SPMIP2: variants seen among roughly 807,000 people sequenced by gnomAD.
SPMIP2 encodes protein SPMIP2.
At chr4:159,044,490 G>GT in the SPMIP2 span, among the ~76,000 whole-genome samples, 2 of 151,806 alleles carry the variant, frequency 1.3e-5, no homozygotes, top group Non-Finnish European at 2.9e-5. Flanking sequence ...GATGGGAGAA[G>GT]TTAAAAAAAA....
At chr4:159,000,937 T>C in the SPMIP2 span, among the ~76,000 whole-genome samples, 7 of 152,238 alleles carry the variant, frequency 4.6e-5, no homozygotes, top group Non-Finnish European at 1.0e-4. Flanking sequence ...TCTTTTCAAT[T>C]TGGGGCTGTA....
chr4:159,078,651 G>A, the SPMIP2 span, among the ~76,000 whole-genome samples: 6 of 152,240 alleles, frequency 3.9e-5, no homozygotes, highest in Admixed American at 6.5e-5. Context: ...GACTGCATGG[G>A]TGGATTGTAA....
chr4:158,959,514 G>C, the SPMIP2 span, among the ~76,000 whole-genome samples: 1 of 152,074 alleles, frequency 6.6e-6, no homozygotes, highest in Non-Finnish European at 1.5e-5. Flanking sequence ...TGCAGTTTAT[G>C]TTGGTATAGT....
chr4:158,973,242 AGATG>A, the SPMIP2 span: 1 of 1,613,886 alleles, frequency 6.2e-7, no homozygotes, highest in South Asian at 1.1e-5. Context: ...TTCTAACGCC[AGATG>A]CTGTTCTCCT....
At chr4:159,077,462 G>A in the SPMIP2 span, among the ~76,000 whole-genome samples, 1 of 152,064 alleles carries the variant, frequency 6.6e-6, no homozygotes, top group Admixed American at 6.6e-5. Context: ...TTCTTTTAAT[G>A]TGTTTTTCTT....
chr4:159,075,559 G>T, the SPMIP2 span, among the ~76,000 whole-genome samples: 215 of 152,256 alleles, frequency 1.4e-3, 1 homozygote, highest in East Asian at 0.014. Context: ...AAAGCTTTTA[G>T]AGGTGGGCCA....
At chr4:159,033,345 G>C in the SPMIP2 span, among the ~76,000 whole-genome samples, 18 of 152,174 alleles carry the variant, frequency 1.2e-4, no homozygotes, top group African/African-American at 3.6e-4. Context: ...TTTTTTAAGT[G>C]GTGAAACCAT....
At chr4:158,894,021 C>T in the SPMIP2 span, among the ~76,000 whole-genome samples, 1 of 152,018 alleles carries the variant, frequency 6.6e-6, no homozygotes, top group South Asian at 2.1e-4. Context: ...CTTTTAGAAC[C>T]TTCAATACAA....
the SPMIP2 span, among the ~76,000 whole-genome samples, chr4:158,993,442 C>T: frequency 6.6e-6 from 1 of 151,924 alleles, no homozygotes; most frequent in Non-Finnish European, 1.5e-5. Flanking sequence ...AAAATTCCAT[C>T]CCTGAAGCAA....
the SPMIP2 span, among the ~76,000 whole-genome samples, chr4:158,919,852 T>C: frequency 4.6e-5 from 7 of 152,216 alleles, no homozygotes; most frequent in Non-Finnish European, 8.8e-5. Flanking sequence ...GTCCCTGTCA[T>C]TCTTTATACA....
At chr4:159,080,957 T>C in the SPMIP2 span, among the ~76,000 whole-genome samples, 1 of 152,110 alleles carries the variant, frequency 6.6e-6, no homozygotes, top group Non-Finnish European at 1.5e-5. Flanking sequence ...TCTCCTAACC[T>C]TGTGATCCGC....
the SPMIP2 span, among the ~76,000 whole-genome samples, chr4:158,995,986 A>T: frequency 6.6e-6 from 1 of 151,992 alleles, no homozygotes; most frequent in South Asian, 2.1e-4. Flanking sequence ...CCGTTTCGTG[A>T]CTATGTGTCT....
At chr4:159,070,438 T>C in the SPMIP2 span, among the ~76,000 whole-genome samples, 1 of 152,244 alleles carries the variant, frequency 6.6e-6, no homozygotes, top group East Asian at 1.9e-4. Context: ...ACAACTCCAC[T>C]GTAAGCTTTT....
the SPMIP2 span, among the ~76,000 whole-genome samples, chr4:158,912,929 T>C: frequency 2.0e-5 from 3 of 152,314 alleles, no homozygotes; most frequent in East Asian, 5.8e-4. Context: ...AGGTGCCTCT[T>C]GATGTGATGC....
At chr4:158,956,556 C>G in the SPMIP2 span, among the ~76,000 whole-genome samples, 1 of 151,572 alleles carries the variant, frequency 6.6e-6, no homozygotes, top group African/African-American at 2.4e-5. Flanking sequence ...GAGCAAAACT[C>G]TGTCTCAAAA....
At chr4:159,009,235 A>G in the SPMIP2 span, among the ~76,000 whole-genome samples, 2 of 152,322 alleles carry the variant, frequency 1.3e-5, no homozygotes, top group Admixed American at 6.5e-5. Flanking sequence ...CATTATACCA[A>G]TGGTTCTGCA....
chr4:158,973,766 A>G, the SPMIP2 span, among the ~76,000 whole-genome samples: 1 of 152,130 alleles, frequency 6.6e-6, no homozygotes, highest in African/African-American at 2.4e-5. Flanking sequence ...AGGTGGGTGC[A>G]TCGCTTGAAC....
chr4:159,066,746 T>C, the SPMIP2 span, among the ~76,000 whole-genome samples: 1 of 152,040 alleles, frequency 6.6e-6, no homozygotes, highest in East Asian at 1.9e-4. Flanking sequence ...TGTAACCTTA[T>C]ATCTGCTCTT....
chr4:159,052,927 C>T, the SPMIP2 span, among the ~76,000 whole-genome samples: 11 of 149,846 alleles, frequency 7.3e-5, no homozygotes, highest in South Asian at 2.1e-4. Flanking sequence ...TGAGCCACTA[C>T]GCCTGGTCGA....
Sources: allele counts gnomAD v4.1 joint callset (sites outside exome capture counted in the v4.1 genomes callset), GRCh38; gene constraint gnomAD v4.1.1; transcripts MANE v1.5; gene names NCBI Gene and HGNC (gene_info 2026-07-23, HGNC 2026-07-21).